The following TRIM46 variants were observed in gnomAD, a reference collection of about 807,000 sequenced individuals.
TRIM46 encodes the protein tripartite motif containing 46, also known as tripartite motif-containing protein 46.
TRIM46 carries 17 observed loss-of-function variants against 69.7 expected under a neutral mutation model. The observed-to-expected ratio is 0.24, with a 90% CI of 0.17 to 0.37. The LOEUF is 0.37. Among genes scored for constraint, TRIM46 ranks in the 10% least tolerant of loss-of-function variants. TRIM46 has a pLI of 1.00. For missense variants in TRIM46, 675 were observed against 1,025.1 expected (o/e 0.66, Z 4.66); for synonymous variants, 391 against 429.0 (o/e 0.91, Z 1.09).
chr1:155,180,012 G>A, intron 8 of TRIM46, 78 bp downstream of exon 8: 2 of 1,459,140 alleles, frequency 1.4e-6, no homozygotes, highest in Non-Finnish European at 1.8e-6. Context: ...TGGTTCCGGT[G>A]GCCGCTAGAG....
chr1:155,183,067 T>C (rs796480736), intron 9 of TRIM46, among the ~76,000 whole-genome samples: 68 of 151,834 alleles, frequency 4.5e-4, no homozygotes, highest in South Asian at 2.1e-3. Context: ...CCCGCCACCA[T>C]GCCCAGCTAA....
chr1:155,177,984 G>A lies in TRIM46; in HGVS notation c.910-18G>A. 6 of 1,610,318 alleles carry A rather than the reference G, an allele frequency of 3.7e-6. No individual in the cohort carries two copies. Among genetic ancestry groups the A allele is most frequent in the Non-Finnish European group, 5.1e-6 (6 of 1,178,118 alleles). On this transcript the variant is annotated intron_variant, in intron 5 of 9. Coordinates refer to ENST00000334634, the MANE Select transcript of TRIM46 (RefSeq NM_025058.5). ...AGATAGTAAGTCACGCATCCTTTGG[G>A]TGTTGCTCCCTGGGCAGGTGAGTGG... is the stretch of plus-strand genomic sequence containing the variant.
rs745386796 is a variant in TRIM46, at chr1:155,179,735, C to A, written c.1389C>A (p.Thr463=). The part of the protein sequence containing the change: ...PPHSPPAWHY[T]VEFRRTDVPA... ...ATTCACCACCTGCCTGGCACTATAC[C>A]GTTGAGTTCCGGCGCACGGATGTGC... Residue 463 remains threonine (T), a synonymous_variant, in exon 8 of 10, where the codon ACC becomes ACA. Coordinates refer to ENST00000334634, the MANE Select transcript of TRIM46 (RefSeq NM_025058.5). 6.2e-7 allele frequency: 1 copy of A among 1,613,302 alleles called. No individual in the cohort carries two copies. Among genetic ancestry groups the A allele is most frequent in the Non-Finnish European group, 8.5e-7 (1 of 1,180,018 alleles).
Position 155,175,272 on chromosome 1 carries a change from G to A in TRIM46, c.64-114G>A. On this transcript the variant is annotated intron_variant, in intron 1 of 9. Transcript: ENST00000334634. The surrounding 1 kb of genome is among the most constrained non-coding windows in gnomAD (Gnocchi z 4.2). ...AGGCAGGTGCTCTGGAAAAGCTGCAGGTAGCTTGTCTTGCTCCTTCCTCAG... is the reference window on the plus strand; with the variant it reads ...AGGCAGGTGCTCTGGAAAAGCTGCAAGTAGCTTGTCTTGCTCCTTCCTCAG... 7.1e-6 allele frequency: 11 copies of A among 1,551,650 alleles called. No homozygotes were observed. The highest frequency in any genetic ancestry group is 9.5e-6 in the Non-Finnish European group (11 of 1,157,438).
In TRIM46 at chr1:155,173,905, G is replaced by A. The variant is rs1553193874; in HGVS notation, c.-62G>A. ...CACCCCCACTGGGCTCCTGCATTAA[G>A]CCCGGGGTTCGCAGCCGCAGCCGGG... On this transcript the variant is annotated 5_prime_UTR_variant, in exon 1 of 10. Coordinates refer to ENST00000334634, the MANE Select transcript of TRIM46 (RefSeq NM_025058.5). The A allele has an allele frequency of 3.9e-6, 6 of 1,523,832 alleles. No individual in the cohort carries two copies. The East Asian group carries it at 1.2e-4, about 31-fold the overall frequency. The allele number at this position is 1,523,832 out of a possible 1,614,324, so 94.4% of individuals were successfully genotyped here.
chr1:155,178,305 C>T, intron 6 of TRIM46, 50 bp downstream of exon 6: 1 of 1,563,448 alleles, frequency 6.4e-7, no homozygotes, highest in South Asian at 1.2e-5. Flanking sequence ...ATGGATGTGA[C>T]CAACATCTAG....
Position 155,173,927 on chromosome 1 carries a change from CG to C in TRIM46, c.-37del. On this transcript the variant is annotated 5_prime_UTR_variant, in exon 1 of 10. Transcript: ENST00000334634. The stretch of plus-strand genomic sequence containing the variant: ...TAAGCCCGGGGTTCGCAGCCGCAGC[CG>C]GGATCGGGCACCCAGGGGCGGGCGG... The C allele has an allele frequency of 6.4e-7, 1 of 1,559,448 alleles. No individual in the cohort carries two copies. The highest frequency in any genetic ancestry group is 8.7e-7 in the Non-Finnish European group (1 of 1,152,106).
chr1:155,173,976 G>T lies in TRIM46; in HGVS notation c.10G>T (p.Gly4Cys). MAE[G>C]EDMQTFTSIM... ...CGGGCACGGTAGGGCCATGGCAGAG[G>T]GTGAGGATATGCAGACCTTCACTTC... Residue 4 changes from glycine to cysteine, a missense_variant, in exon 1 of 10, where the codon GGT becomes TGT. Physicochemically the swap from Gly to Cys is radical, Grantham distance 159. Around this residue, in one of 5 missense-constraint regions of TRIM46, gnomAD observed 170 missense variants for 255.6 expected, o/e 0.67. Coordinates refer to ENST00000334634, the MANE Select transcript of TRIM46 (RefSeq NM_025058.5). 6.3e-7 allele frequency: 1 copy of T among 1,575,430 alleles called. No individual in the cohort carries two copies. Among genetic ancestry groups the T allele is most frequent in the East Asian group, 2.4e-5 (1 of 42,514 alleles).
At chr1:155,179,555 C>T (rs1665977564) in intron 7 of TRIM46, 77 bp from the exon 8 acceptor site, 1 of 1,435,682 alleles carries the variant, frequency 7.0e-7, no homozygotes, top group South Asian at 1.3e-5. Context: ...GCTGCTTTCC[C>T]TTTTCCTGCC....
chr1:155,178,375 A>G, intron 6 of TRIM46, 117 bp from the exon 7 acceptor site: 1 of 1,575,832 alleles, frequency 6.3e-7, no homozygotes. Context: ...TCATGAGGCC[A>G]AACTGATACC....
chr1:155,177,326 C>A, intron 5 of TRIM46, 36 bp downstream of exon 5: 1 of 1,567,928 alleles, frequency 6.4e-7, no homozygotes, highest in Non-Finnish European at 8.8e-7. Context: ...CTGGGCCCTG[C>A]CTGGGAGTAG....
chr1:155,178,514 C>A lies in TRIM46; in HGVS notation c.1186C>A (p.Leu396Ile). The A allele has an allele frequency of 5.0e-6, 8 of 1,614,116 alleles. No individual in the cohort carries two copies. Among genetic ancestry groups the A allele is most frequent in the Non-Finnish European group, 6.8e-6 (8 of 1,180,012 alleles). Residue 396 changes from leucine (L) to isoleucine (I), a missense_variant, in exon 7 of 10, where the codon CTC becomes ATC. Around this residue, in one of 5 missense-constraint regions of TRIM46, gnomAD observed 361 missense variants for 498.3 expected, o/e 0.72. Transcript: ENST00000334634. ...HNRIARATEA[L>I]QTFRPAASSS... ...CAGGATTGCCCGAGCCACTGAAGCC[C>A]TCCAGACATTCCGGCCAGCTGCCAG...
intron 9 of TRIM46, 119 bp downstream of exon 9, chr1:155,182,268 G>C (rs188543511): frequency 1.3e-5 from 15 of 1,195,290 alleles, no homozygotes; most frequent in Middle Eastern, 2.8e-4. Flanking sequence ...TTAGGAGGAA[G>C]TAGTAGGAGC....
intron 8 of TRIM46, 93 bp downstream of exon 8, chr1:155,180,027 C>T (rs1207505600): frequency 1.3e-5 from 18 of 1,352,344 alleles, no homozygotes; most frequent in African/African-American, 1.5e-5. Flanking sequence ...CTAGAGAGGC[C>T]ATATAACATA....
intron 9 of TRIM46, 78 bp from the exon 10 acceptor site, chr1:155,183,719 C>A: frequency 6.4e-7 from 1 of 1,554,340 alleles, no homozygotes; most frequent in South Asian, 1.2e-5. Flanking sequence ...AACATTCCAT[C>A]CTTCCAGCGT....
At chr1:155,183,265 C>T (rs2147798961) in intron 9 of TRIM46, among the ~76,000 whole-genome samples, 1 of 152,120 alleles carries the variant, frequency 6.6e-6, no homozygotes, top group East Asian at 1.9e-4. Context: ...GCCTTCTCCC[C>T]AGCACTCTAT....
At chr1:155,179,975 G>T (rs1419268637) in intron 8 of TRIM46, 41 bp downstream of exon 8, 2 of 1,539,264 alleles carry the variant, frequency 1.3e-6, no homozygotes, top group Non-Finnish European at 1.8e-6. Context: ...AGGGCATGGG[G>T]TATGCCAGGG....
Position 155,176,030 on chromosome 1 carries a change from G to T in TRIM46, c.468G>T (p.Val156=). The change falls in exon 3 of 10, where the codon GTG becomes GTT. Residue 156 remains valine (V), a synonymous_variant. Coordinates refer to ENST00000334634, the MANE Select transcript of TRIM46 (RefSeq NM_025058.5). The part of the protein sequence containing the change: ...GLFRNLTLER[V]VERYRQSVSV... ...TCCGGAACCTGACCCTGGAGCGTGT[G>T]GTGGAGCGGTACCGCCAGAGTGTGA... 3 of 1,614,156 alleles carry T rather than the reference G, an allele frequency of 1.9e-6. No homozygotes were observed. The highest frequency in any genetic ancestry group is 2.5e-6 in the Non-Finnish European group (3 of 1,180,002).
rs1665873004 is a variant in TRIM46 at position 155,178,542 on chromosome 1, C to T, written c.1214C>T (p.Ser405Phe). ...ALQTFRPAASSSFRHCQLDVG... is the reference protein window; with the variant it reads ...ALQTFRPAASFSFRHCQLDVG... ...CAGACATTCCGGCCAGCTGCCAGCT[C>T]CTCCTTCCGCCATTGCCAGCTCGAC... Residue 405 changes from serine to phenylalanine, a missense_variant, in exon 7 of 10, where the codon TCC becomes TTC. By Grantham distance (155) the Ser-to-Phe change is radical (BLOSUM62 -2). Transcript: ENST00000334634. 6.2e-7 allele frequency: 1 copy of T among 1,614,040 alleles called. No homozygotes were observed.
Sources: gnomAD v4.1 joint callset for allele counts (sites outside exome capture counted in the v4.1 genomes callset) on GRCh38, gnomAD v4.1.1 for gene constraint, gnomAD v4.1.1 regional missense constraint, Gnocchi (gnomAD v3.1) non-coding constraint, MANE v1.5 for transcripts, NCBI Gene and HGNC (gene_info 2026-07-23, HGNC 2026-07-21) for gene names.